ZFHX3: variants seen among roughly 807,000 people sequenced by gnomAD.
ZFHX3 encodes the protein zinc finger homeobox 3, also known as zinc finger homeobox protein 3.
In ZFHX3, 42 loss-of-function variants were observed where a neutral mutation model predicts 279.1. The ratio of observed to expected loss-of-function variants is 0.15; its 90% CI spans 0.12 to 0.19. ZFHX3 has a LOEUF of 0.19. Ranked by LOEUF, ZFHX3 falls within the 10% of genes least tolerant of loss-of-function variation. The pLI, the probability that ZFHX3 is intolerant of heterozygous loss-of-function variation, is 1.00. For missense variants in ZFHX3, 4,981 were observed against 4,754.0 expected (o/e 1.05, Z -1.40); for synonymous variants, 2,293 against 1,957.8 (o/e 1.17, Z -4.52).
chr16:72,926,273 C>T (rs995066533), intron 3 of ZFHX3, among the ~76,000 whole-genome samples: 1 of 152,190 alleles, frequency 6.6e-6, no homozygotes. Flanking sequence ...AACAGTTCCC[C>T]TAAGCAATGT....
At chr16:73,058,339 A>AGGGCGC (rs1195114431) in intron 1 of ZFHX3, among the ~76,000 whole-genome samples, 17 of 145,222 alleles carry the variant, frequency 1.2e-4, no homozygotes, top group Admixed American at 7.4e-4. Context: ...GCGAGCGAGC[A>AGGGCGC]GGGCGCGGGC....
At chr16:73,819,544 C>T (rs1032621334) in intron 1 of ZFHX3, among the ~76,000 whole-genome samples, 3 of 152,068 alleles carry the variant, frequency 2.0e-5, no homozygotes, top group Non-Finnish European at 4.4e-5. Flanking sequence ...CAACTTTGGG[C>T]CACTTTGTGG....
intron 2 of ZFHX3, among the ~76,000 whole-genome samples, chr16:73,605,168 G>A (rs1033023375): frequency 6.6e-6 from 1 of 152,010 alleles, no homozygotes; most frequent in African/African-American, 2.4e-5. Flanking sequence ...GTGGTCATTC[G>A]AACACTTTCA....
intron 5 of ZFHX3, among the ~76,000 whole-genome samples, chr16:73,203,757 G>A (rs1422149411): frequency 6.6e-6 from 1 of 152,210 alleles, no homozygotes; most frequent in Non-Finnish European, 1.5e-5. Flanking sequence ...TATATAGGCT[G>A]TACTAAGAGA....
chr16:73,052,839 C>T (rs1333918059), upstream of ZFHX3, among the ~76,000 whole-genome samples: 3 of 152,170 alleles, frequency 2.0e-5, no homozygotes, highest in Non-Finnish European at 2.9e-5. Flanking sequence ...AAAGGCGATG[C>T]GTACACAAGG....
In ZFHX3 at chr16:72,787,733, CGCCACT is replaced by C. The variant is rs750444062; in HGVS notation, c.10537_10542del (p.Ser3513_Gly3514del). On this transcript the variant is annotated inframe_deletion, in exon 10 of 10. Coordinates refer to ENST00000268489, the MANE Select transcript of ZFHX3 (RefSeq NM_006885.4). Reference sequence around the variant, plus strand: ...CCGCCGCCGCCACCGCCGCCGCCGCCGCCACTGCCACCGCCGCCGCCGCCGGTGGGG... The same window carrying C: ...CCGCCGCCGCCACCGCCGCCGCCGCCGCCACCGCCGCCGCCGCCGGTGGGG... The C allele has an allele frequency of 3.8e-5, 53 of 1,398,632 alleles. 1 individual carries two copies. The highest frequency in any genetic ancestry group is 2.1e-4 in the African/African-American group (14 of 66,828). The allele number at this position is 1,398,632 out of a possible 1,614,324, so 86.6% of individuals were successfully genotyped here. A position where few individuals can be genotyped will look rare whatever the true frequency, so the allele number is the denominator to read the frequency against.
intron 2 of ZFHX3, among the ~76,000 whole-genome samples, chr16:73,661,589 G>T (rs186858938): frequency 6.6e-6 from 1 of 152,222 alleles, no homozygotes. Context: ...AGGCGTGGTG[G>T]TGCATGCTTG....
intron 2 of ZFHX3, among the ~76,000 whole-genome samples, chr16:73,605,347 G>A (rs573796013): frequency 7.9e-5 from 12 of 152,122 alleles, no homozygotes; most frequent in Non-Finnish European, 1.8e-4. Context: ...ATAAAAGTGC[G>A]CAAGAGAAAA....
chr16:73,776,781 C>G (rs1597110295), intron 1 of ZFHX3, among the ~76,000 whole-genome samples: 1 of 152,190 alleles, frequency 6.6e-6, no homozygotes, highest in Non-Finnish European at 1.5e-5. Flanking sequence ...TAAAGGTCAT[C>G]CCTTTCATGC....
intron 3 of ZFHX3, among the ~76,000 whole-genome samples, chr16:73,378,069 A>AAAAAAAAAAAC (rs2016755562): frequency 6.9e-6 from 1 of 145,326 alleles, no homozygotes; most frequent in African/African-American, 2.6e-5. Flanking sequence ...AAAAAAAAAA[A>AAAAAAAAAAAC]TCTTATACAC....
At chr16:73,216,060 G>C (rs2012194849) in intron 5 of ZFHX3, among the ~76,000 whole-genome samples, 1 of 152,204 alleles carries the variant, frequency 6.6e-6, no homozygotes. Context: ...TTGCAATGTG[G>C]AGTCAAGCTC....
chr16:73,766,577 G>A (rs916280613), intron 1 of ZFHX3, among the ~76,000 whole-genome samples: 4 of 152,170 alleles, frequency 2.6e-5, no homozygotes, highest in Non-Finnish European at 4.4e-5. Flanking sequence ...CTTAGAAAAC[G>A]ACAAAATTCA....
In ZFHX3 at chr16:73,682,906, G is replaced by GAAAGAAAGAA. The variant is rs1323501382; in HGVS notation, c.-1607-2667_-1607-2666insTTCTTTCTTT. ...AGAAAGAAAGAAAGAAAGAAAGAAA[G>GAAAGAAAGAA]AGAAAGAAAGAGAGAAAGAGAAAGA... is the stretch of plus-strand genomic sequence containing the variant. On this transcript the variant is annotated intron_variant, in intron 1 of 17. Coordinates refer to the ZFHX3 transcript ENST00000641206. Among the ~76,000 whole-genome samples, 8 of 28,710 alleles carry GAAAGAAAGAA rather than the reference G, an allele frequency of 2.8e-4. 1 individual carries two copies. Among genetic ancestry groups the GAAAGAAAGAA allele is most frequent in the African/African-American group, 6.6e-4 (8 of 12,198 alleles). 18.8% of individuals were successfully genotyped at this position (28,710 alleles called of 152,430 possible).
intron 1 of ZFHX3, among the ~76,000 whole-genome samples, chr16:73,754,380 T>A (rs2053787915): frequency 6.6e-6 from 1 of 152,136 alleles, no homozygotes; most frequent in Non-Finnish European, 1.5e-5. Flanking sequence ...ACCCAGTTCT[T>A]GACTCCGGGA....
intron 4 of ZFHX3, among the ~76,000 whole-genome samples, chr16:73,277,700 A>T (rs2014336083): frequency 6.6e-6 from 1 of 152,178 alleles, no homozygotes; most frequent in African/African-American, 2.4e-5. Flanking sequence ...GGAAAGAGAA[A>T]TGTCTCTGCA....
intron 5 of ZFHX3, among the ~76,000 whole-genome samples, chr16:72,826,855 T>C (rs2036945809): frequency 6.6e-6 from 1 of 152,230 alleles, no homozygotes; most frequent in South Asian, 2.1e-4. Flanking sequence ...ACATTCATTT[T>C]TTATGGTGCT....
upstream of ZFHX3, among the ~76,000 whole-genome samples, chr16:73,062,576 C>T (rs767430223): frequency 4.0e-4 from 61 of 152,130 alleles, no homozygotes; most frequent in Non-Finnish European, 6.2e-4. Flanking sequence ...ATGTGAGCAG[C>T]TATTATTTGG....
intron 1 of ZFHX3, among the ~76,000 whole-genome samples, chr16:73,013,178 C>T (rs1431131164): frequency 6.6e-6 from 1 of 152,232 alleles, no homozygotes; most frequent in East Asian, 1.9e-4. Flanking sequence ...CATCTGTGCC[C>T]TTCAAGTGAC....
At chr16:73,698,699 T>A (rs192832993) in intron 1 of ZFHX3, among the ~76,000 whole-genome samples, 2 of 152,176 alleles carry the variant, frequency 1.3e-5, no homozygotes, top group African/African-American at 4.8e-5. Context: ...CAATCAGTAC[T>A]CATTGAAACT....
Sources: gnomAD v4.1 joint callset for allele counts (sites outside exome capture counted in the v4.1 genomes callset) on GRCh38, gnomAD v4.1.1 for gene constraint, MANE v1.5 for transcripts, NCBI Gene and HGNC (gene_info 2026-07-23, HGNC 2026-07-21) for gene names.